IGSF9B: variants seen among roughly 807,000 people sequenced by gnomAD.
IGSF9B encodes immunoglobulin superfamily member 9B, also known as protein turtle homolog B.
In IGSF9B, 48 loss-of-function variants were observed where a neutral mutation model predicts 143.7. The ratio of observed to expected loss-of-function variants is 0.33; its 90% CI spans 0.26 to 0.42. The LOEUF (loss-of-function observed/expected upper bound fraction) is 0.42, where lower values mean the gene tolerates loss of function less well. Among genes scored for constraint, IGSF9B ranks in the 20% least tolerant of loss-of-function variants. The pLI is 1.00. For missense variants in IGSF9B, 1,706 were observed against 1,980.0 expected (o/e 0.86, Z 2.63); for synonymous variants, 903 against 833.1 (o/e 1.08, Z -1.44).
At chr11:133,911,001 A>C (rs770468535) in intron 19 of IGSF9B, among the ~76,000 whole-genome samples, 1 of 152,292 alleles carries the variant, frequency 6.6e-6, no homozygotes, top group Middle Eastern at 3.4e-3. Context: ...CTAAGTGATC[A>C]TAAGTGATCA....
chr11:133,921,651 C>T (rs1374895798), intron 17 of IGSF9B, among the ~76,000 whole-genome samples: 1 of 152,046 alleles, frequency 6.6e-6, no homozygotes, highest in African/African-American at 2.4e-5. Flanking sequence ...AATCCTCCTG[C>T]CTCAGCCTCC....
rs1939671235 is a variant in IGSF9B at position 133,928,624 on chromosome 11, C to T, written c.1631+1047G>A. Among the ~76,000 whole-genome samples, 1 of 152,190 alleles carries T rather than the reference C, an allele frequency of 6.6e-6. No homozygotes were observed. The highest frequency in any genetic ancestry group is 2.4e-5 in the African/African-American group (1 of 41,442). ...GAAGGCACTGAGGGGCTCGCCCTCC[C>T]AGCTCAAGGTTGTCACCCCCGGGGC... On this transcript the variant is annotated intron_variant, in intron 12 of 19. Transcript: ENST00000533871. This position sits in a 1 kb window ranked among gnomAD's most constrained non-coding sequence, Gnocchi z 4.7.
Position 133,916,801 on chromosome 11 carries a change from C to T in IGSF9B, c.3983+2941G>A, listed in dbSNP as rs144797006. Among the ~76,000 whole-genome samples, 416 of 152,170 alleles carry T rather than the reference C, an allele frequency of 2.7e-3. 1 individual carries two copies. The highest frequency in any genetic ancestry group is 8.9e-3 in the African/African-American group (369 of 41,528). On this transcript the variant is annotated intron_variant, in intron 18 of 19. Coordinates refer to ENST00000533871, the MANE Select transcript of IGSF9B (RefSeq NM_001277285.4). The stretch of plus-strand genomic sequence containing the variant: ...AGCTAGTCTAGGGCTCCCACACCTC[C>T]GGGGGCTGTGGAGGAGTCACAGCTG...
chr11:133,919,653 G>A (rs1939471681), intron 18 of IGSF9B, 89 bp downstream of exon 18: 5 of 863,426 alleles, frequency 5.8e-6, no homozygotes, highest in Non-Finnish European at 8.1e-6. Flanking sequence ...CCCTGTCGCC[G>A]GGCGGATGGA....
intron 6 of IGSF9B, 82 bp downstream of exon 6, chr11:133,935,971 G>T: frequency 6.6e-7 from 1 of 1,521,652 alleles, no homozygotes; most frequent in Non-Finnish European, 8.9e-7. Context: ...CGGGCAGCCT[G>T]CCCGTGCAAT....
At position 133,904,319 on chromosome 11, in the gene IGSF9B, G is replaced by A. The variant is rs568827038; in HGVS notation, c.*4750C>T. 7.2e-5 allele frequency among the ~76,000 whole-genome samples: 11 copies of A among 152,340 alleles called. No homozygotes were observed. The highest frequency in any genetic ancestry group is 1.2e-4 in the Non-Finnish European group (8 of 68,032). On this transcript the variant is annotated 3_prime_UTR_variant, in exon 20 of 20. Transcript: ENST00000533871. ...CTCCACTGATGAAGAGCTGGTGATA[G>A]GATGGGCATCTCAAGACAAGTTTCT... is the stretch of plus-strand genomic sequence containing the variant.
At chr11:133,919,129 T>TGGGG (rs756305133) in intron 18 of IGSF9B, 85 of 175,888 alleles carry the variant, frequency 4.8e-4, no homozygotes, top group Middle Eastern at 1.5e-3. Context: ...GGGGGGGGGG[T>TGGGG]GGGGGACGTG....
rs1939192005 is a variant in IGSF9B, at chr11:133,905,115, C to G, written c.*3954G>C. 6.6e-6 allele frequency among the ~76,000 whole-genome samples: 1 copy of G among 151,996 alleles called. No homozygotes were observed. Among genetic ancestry groups the G allele is most frequent in the African/African-American group, 2.4e-5 (1 of 41,352 alleles). ...CCCCTTCCTGCAGCTCCCCAGCCAT[C>G]CCTGCAGTGCCCCCAAAGCTCCTTT... On this transcript the variant is annotated 3_prime_UTR_variant, in exon 20 of 20. Coordinates refer to ENST00000533871, the MANE Select transcript of IGSF9B (RefSeq NM_001277285.4). This position sits in a 1 kb window ranked among gnomAD's most constrained non-coding sequence, Gnocchi z 4.0.
Position 133,936,081 on chromosome 11 carries a change from A to G in IGSF9B, c.793T>C (p.Trp265Arg). 6.2e-7 allele frequency: 1 copy of G among 1,613,754 alleles called. No homozygotes were observed. The highest frequency in any genetic ancestry group is 2.2e-5 in the East Asian group (1 of 44,864). Residue 265 changes from tryptophan to arginine, a missense_variant, in exon 6 of 20, where the codon TGG (tryptophan) becomes CGG (arginine). By Grantham distance (101) the Trp-to-Arg change is moderately radical (BLOSUM62 -3). Transcript: ENST00000533871. ...TGAAAGTAGACGTTCTCGTCCTGCC[A>G]GTACCAGGTGTAGGTGAGGTTGCCC... ...YPGNLTYTWY[W>R]QDENVYFQND...
Position 133,936,130 on chromosome 11 carries a change from G to T in IGSF9B, c.744C>A (p.Leu248=). The T allele has an allele frequency of 6.2e-7, 1 of 1,613,220 alleles. No homozygotes were observed. The highest frequency in any genetic ancestry group is 1.1e-5 in the South Asian group (1 of 90,854). ...CCGGATACGCCTCTGCCCGGCAGGT[G>T]AGCAGAGCATCCTGGGAGATGTTGA... The part of the protein sequence containing the change: ...ITVNISQDAL[L]TCRAEAYPGN... The change falls in exon 6 of 20, where the codon CTC becomes CTA. Residue 248 remains leucine, a synonymous_variant. Coordinates refer to ENST00000533871, the MANE Select transcript of IGSF9B (RefSeq NM_001277285.4).
At chr11:133,930,941 TGC>T in intron 11 of IGSF9B, 41 bp downstream of exon 11, 1 of 1,554,410 alleles carries the variant, frequency 6.4e-7, no homozygotes, top group Non-Finnish European at 8.7e-7. Context: ...CCAGCCAGCC[TGC>T]TCTGTCCCCG....
At chr11:133,924,773 G>A (rs750072644) in intron 15 of IGSF9B, 47 bp downstream of exon 15, 3 of 1,480,748 alleles carry the variant, frequency 2.0e-6, no homozygotes, top group Admixed American at 1.7e-5. Flanking sequence ...ATGCAGCTCT[G>A]GGGCTTATGT....
chr11:133,956,229 G>A (rs2121358101), intron 1 of IGSF9B, among the ~76,000 whole-genome samples: 1 of 152,240 alleles, frequency 6.6e-6, no homozygotes, highest in Non-Finnish European at 1.5e-5. Context: ...GCCAGTCCCA[G>A]GGATCCTCCG....
At chr11:133,935,860 C>G in intron 6 of IGSF9B, 98 bp from the exon 7 acceptor site, 1 of 1,474,414 alleles carries the variant, frequency 6.8e-7, no homozygotes, top group Non-Finnish European at 9.1e-7. Flanking sequence ...GCATGGAGAG[C>G]CCATGCCCCT....
intron 19 of IGSF9B, among the ~76,000 whole-genome samples, chr11:133,910,149 G>A (rs1939277975): frequency 1.3e-5 from 2 of 152,162 alleles, no homozygotes; most frequent in Non-Finnish European, 2.9e-5. Context: ...TGGTTACGAT[G>A]GGAATCTGGT....
intron 18 of IGSF9B, among the ~76,000 whole-genome samples, chr11:133,916,470 G>C (rs1939384492): frequency 6.6e-6 from 1 of 152,184 alleles, no homozygotes; most frequent in South Asian, 2.1e-4. Context: ...ATCTCCCCAG[G>C]ACCCAGCAGC....
chr11:133,947,985 C>T (rs1277786402), intron 1 of IGSF9B, among the ~76,000 whole-genome samples: 1 of 151,974 alleles, frequency 6.6e-6, no homozygotes, highest in Admixed American at 6.6e-5. Context: ...TTCTCTCTAG[C>T]TCTTGCTCTG....
intron 1 of IGSF9B, among the ~76,000 whole-genome samples, chr11:133,949,235 T>C (rs1940115796): frequency 6.6e-6 from 1 of 152,146 alleles, no homozygotes; most frequent in Non-Finnish European, 1.5e-5. Flanking sequence ...TGGGCGCCCA[T>C]GTCCTGGCCT....
Position 133,928,197 on chromosome 11 carries a change from T to C in IGSF9B, c.1632-1106A>G, listed in dbSNP as rs1939663583. Among the ~76,000 whole-genome samples, 4 of 152,060 alleles carry C rather than the reference T, an allele frequency of 2.6e-5. No homozygotes were observed. The highest frequency in any genetic ancestry group is 4.2e-4 in the South Asian group (2 of 4,814). ...CCACCCAGGCATCTCCAAAGACAGC[T>C]TGACCACACCAAATGTCCCACCCTG... On this transcript the variant is annotated intron_variant, in intron 12 of 19. Coordinates refer to ENST00000533871, the MANE Select transcript of IGSF9B (RefSeq NM_001277285.4). The surrounding 1 kb of genome is among the most constrained non-coding windows in gnomAD (Gnocchi z 4.7).
Sources: gnomAD v4.1 joint callset for allele counts (sites outside exome capture counted in the v4.1 genomes callset) on GRCh38, gnomAD v4.1.1 for gene constraint, Gnocchi (gnomAD v3.1) non-coding constraint, MANE v1.5 for transcripts, NCBI Gene and HGNC (gene_info 2026-07-23, HGNC 2026-07-21) for gene names.